The following DOCK4 variants were observed in gnomAD, a reference collection of about 807,000 sequenced individuals.
DOCK4 encodes dedicator of cytokinesis protein 4.
A neutral mutation model predicts 268.1 loss-of-function variants in DOCK4; 97 were observed. The observed-to-expected ratio is 0.36, with a 90% confidence interval of 0.31 to 0.43. The LOEUF is 0.43. DOCK4 is among the 20% of genes least tolerant of loss of function. The pLI is 1.00. For missense variants in DOCK4, 2,145 were observed against 2,455.7 expected (o/e 0.87, Z 2.67); for synonymous variants, 954 against 887.2 (o/e 1.08, Z -1.34).
intron 8 of DOCK4, among the ~76,000 whole-genome samples, chr7:111,948,099 ACC>A (rs1220103310): frequency 6.6e-5 from 10 of 152,190 alleles, no homozygotes; most frequent in South Asian, 2.1e-4. Flanking sequence ...TTATACTTTA[ACC>A]ATATTATTAG....
Position 111,788,162 on chromosome 7 carries a change from T to A in DOCK4, c.3401+500A>T, listed in dbSNP as rs71561748. Among the ~76,000 whole-genome samples the A allele has an allele frequency of 1.0e-2, 1,520 of 152,306 alleles. 15 individuals carry two copies. Among genetic ancestry groups the A allele is most frequent in the Non-Finnish European group, 0.014 (930 of 68,026 alleles). On this transcript the variant is annotated intron_variant, in intron 32 of 52. Coordinates refer to ENST00000428084, the MANE Select transcript of DOCK4 (RefSeq NM_001363540.2). ...GTGATTTGCTTCTGAGATATTCTAA[T>A]AAAAAGCATTTAGGAAGCAATTAAT...
rs1464964160 is a variant in DOCK4, at chr7:111,727,547, C to T, written c.*727G>A. On this transcript the variant is annotated 3_prime_UTR_variant, in exon 53 of 53. Transcript: ENST00000428084. ...TTCAAGTAAACATTTCTTCTGGAGC[C>T]TCTTGCTTAATCTAGCTGATTGGAA... 1 of 152,540 alleles carries T rather than the reference C, an allele frequency of 6.6e-6. No homozygotes were observed. Among genetic ancestry groups the T allele is most frequent in the Non-Finnish European group, 1.5e-5 (1 of 68,014 alleles). 9.4% of individuals were successfully genotyped at this position (152,540 alleles called of 1,614,324 possible).
rs755120028 is a variant in DOCK4 at position 111,894,954 on chromosome 7, TAC to T, written c.1587+656_1587+657del. ...TGAGAGTTGATAAGGGCCTCACTAT[TAC>T]ACAGTTATAGAAATGGAGAAATGCA... On this transcript the variant is annotated intron_variant, in intron 16 of 52. Coordinates refer to ENST00000428084, the MANE Select transcript of DOCK4 (RefSeq NM_001363540.2). Among the ~76,000 whole-genome samples the T allele has an allele frequency of 3.3e-5, 5 of 152,188 alleles. No homozygotes were observed. In the East Asian group the frequency reaches 9.6e-4, roughly 29 times the overall value.
chr7:111,983,187 G>A (rs1798741204), intron 7 of DOCK4, among the ~76,000 whole-genome samples: 2 of 151,976 alleles, frequency 1.3e-5, no homozygotes, highest in Admixed American at 6.6e-5. Flanking sequence ...TGATGATCAT[G>A]GAAAAATCTG....
intron 1 of DOCK4, among the ~76,000 whole-genome samples, chr7:112,068,969 T>C (rs993813164): frequency 1.3e-5 from 2 of 152,184 alleles, no homozygotes; most frequent in African/African-American, 4.8e-5. Flanking sequence ...AATGATATCA[T>C]TAGGAAGAAT....
At chr7:112,083,400 A>G (rs1301432346) in intron 1 of DOCK4, among the ~76,000 whole-genome samples, 4 of 152,090 alleles carry the variant, frequency 2.6e-5, no homozygotes, top group Non-Finnish European at 5.9e-5. Context: ...AAAATATAGA[A>G]TTAATAGTAT....
chr7:111,808,701 T>C, intron 30 of DOCK4, 120 bp downstream of exon 30: 1 of 975,274 alleles, frequency 1.0e-6, no homozygotes, highest in Non-Finnish European at 1.5e-6. Flanking sequence ...TATAGATGTT[T>C]ATTGATTTAG....
chr7:112,081,146 T>C (rs774029013), intron 1 of DOCK4, among the ~76,000 whole-genome samples: 6 of 151,588 alleles, frequency 4.0e-5, no homozygotes, highest in Non-Finnish European at 5.9e-5. Context: ...AAAAAGCCCA[T>C]GAAAAAAGAA....
At chr7:111,781,540 T>C (rs949011922) in intron 35 of DOCK4, among the ~76,000 whole-genome samples, 2 of 151,012 alleles carry the variant, frequency 1.3e-5, no homozygotes, top group African/African-American at 5.0e-5. Context: ...ATGAAAACAT[T>C]ATGGAAGAAA....
In DOCK4 at chr7:111,742,001, A is replaced by C; in HGVS notation, c.4797+12T>G. Reference sequence around the variant, plus strand: ...TCAGGCTGCCCCGCCATGGACACCTAAGTATACATACCTGTATCCCTAAGC... The same window carrying C: ...TCAGGCTGCCCCGCCATGGACACCTCAGTATACATACCTGTATCCCTAAGC... On this transcript the variant is annotated intron_variant, in intron 45 of 52. Transcript: ENST00000428084. 2 of 1,576,164 alleles carry C rather than the reference A, an allele frequency of 1.3e-6. No individual in the cohort carries two copies. Among genetic ancestry groups the C allele is most frequent in the Non-Finnish European group, 1.7e-6 (2 of 1,164,226 alleles).
intron 1 of DOCK4, among the ~76,000 whole-genome samples, chr7:112,196,868 C>T (rs1250958195): frequency 6.6e-6 from 1 of 152,158 alleles, no homozygotes; most frequent in Non-Finnish European, 1.5e-5. Context: ...ATGATTACCA[C>T]AATCAAACTA....
intron 1 of DOCK4, among the ~76,000 whole-genome samples, chr7:112,138,116 G>A (rs1444413452): frequency 6.6e-6 from 1 of 152,100 alleles, no homozygotes; most frequent in African/African-American, 2.4e-5. Context: ...CCTAAAAAAT[G>A]TTTTGTCAGT....
At chr7:112,025,704 T>C (rs774596779) in intron 1 of DOCK4, among the ~76,000 whole-genome samples, 5 of 152,186 alleles carry the variant, frequency 3.3e-5, no homozygotes, top group Admixed American at 6.5e-5. Flanking sequence ...CCTGCCTCAC[T>C]TGGGGTCTCT....
At chr7:112,116,247 A>G (rs527568323) in intron 1 of DOCK4, among the ~76,000 whole-genome samples, 1 of 152,288 alleles carries the variant, frequency 6.6e-6, no homozygotes, top group East Asian at 1.9e-4. Flanking sequence ...TATTTCATAT[A>G]TATGAAATCA....
chr7:111,734,129 T>C (rs147086703), intron 51 of DOCK4, among the ~76,000 whole-genome samples: 135 of 151,996 alleles, frequency 8.9e-4, no homozygotes, highest in Middle Eastern at 3.4e-3. Flanking sequence ...TTTGTAGAGA[T>C]GGGGTTTTGC....
intron 1 of DOCK4, among the ~76,000 whole-genome samples, chr7:112,182,131 C>T (rs1170709063): frequency 3.3e-5 from 5 of 152,312 alleles, no homozygotes; most frequent in Non-Finnish European, 7.3e-5. Flanking sequence ...CCTTATTCCT[C>T]AGTTTCTTGA....
In DOCK4 at chr7:111,904,714, A is replaced by G. The variant is rs572917397; in HGVS notation, c.1193-2913T>C. ...ACAGGTTCTAGTCTGTGCTACTGCTATGGTGTGTGACATCAGTCTATACAG... is the reference window on the plus strand; with the variant it reads ...ACAGGTTCTAGTCTGTGCTACTGCTGTGGTGTGTGACATCAGTCTATACAG... On this transcript the variant is annotated intron_variant, in intron 13 of 52. Transcript: ENST00000428084. Among the ~76,000 whole-genome samples the G allele has an allele frequency of 5.9e-5, 9 of 152,270 alleles. No homozygotes were observed. In the South Asian group the frequency reaches 1.5e-3, roughly 25 times the overall value.
At chr7:111,795,109 G>A (rs1394397891) in intron 30 of DOCK4, among the ~76,000 whole-genome samples, 4 of 152,094 alleles carry the variant, frequency 2.6e-5, no homozygotes, top group African/African-American at 9.7e-5. Flanking sequence ...GGTTGGGATG[G>A]GGTTGGGGAG....
intron 1 of DOCK4, among the ~76,000 whole-genome samples, chr7:112,140,877 C>A (rs755934312): frequency 6.6e-6 from 1 of 152,176 alleles, no homozygotes; most frequent in African/African-American, 2.4e-5. Context: ...GTTTTCAGAA[C>A]CTGCATTCAC....
Sources: gnomAD v4.1 joint callset for allele counts (sites outside exome capture counted in the v4.1 genomes callset) on GRCh38, gnomAD v4.1.1 for gene constraint, MANE v1.5 for transcripts, NCBI Gene and HGNC (gene_info 2026-07-23, HGNC 2026-07-21) for gene names.